The following ARHGAP24 variants were observed in gnomAD, a reference collection of about 807,000 sequenced individuals.
The protein encoded by ARHGAP24 is rho GTPase-activating protein 24.
ARHGAP24 carries 50 observed loss-of-function variants against 76.4 expected under a neutral mutation model. That is an observed-to-expected ratio of 0.65 (90% confidence interval 0.52 to 0.83). The LOEUF (loss-of-function observed/expected upper bound fraction) is 0.83. Among genes scored for constraint, ARHGAP24 ranks in the 40% least tolerant of loss-of-function variants. The pLI is 0.00. For synonymous variants in ARHGAP24, 345 were observed against 323.3 expected (o/e 1.07, Z -0.72); for missense variants, 930 against 914.2 (o/e 1.02, Z -0.22).
At chr4:85,651,167 C>A (rs1259032842) in intron 2 of ARHGAP24, among the ~76,000 whole-genome samples, 3 of 149,196 alleles carry the variant, frequency 2.0e-5, no homozygotes, top group African/African-American at 7.8e-5. Context: ...GAGAGGAGAA[C>A]AGAGGCAGGC....
chr4:85,845,894 T>C (rs1268180417), intron 3 of ARHGAP24, among the ~76,000 whole-genome samples: 1 of 152,050 alleles, frequency 6.6e-6, no homozygotes, highest in Non-Finnish European at 1.5e-5. Flanking sequence ...AATATAATTT[T>C]TTTTCTTTTT....
intron 3 of ARHGAP24, among the ~76,000 whole-genome samples, chr4:85,741,097 G>C (rs1278882654): frequency 6.6e-6 from 1 of 152,166 alleles, no homozygotes; most frequent in African/African-American, 2.4e-5. Flanking sequence ...AGCAAATGCA[G>C]GGTCCCTTTC....
At chr4:85,877,893 T>A (rs1733030054) in intron 3 of ARHGAP24, among the ~76,000 whole-genome samples, 1 of 152,172 alleles carries the variant, frequency 6.6e-6, no homozygotes, top group Non-Finnish European at 1.5e-5. Context: ...AATTGATAAT[T>A]ACATTATTAA....
chr4:85,798,853 A>G (rs1195140848), intron 3 of ARHGAP24, among the ~76,000 whole-genome samples: 1 of 152,228 alleles, frequency 6.6e-6, no homozygotes, highest in Admixed American at 6.5e-5. Flanking sequence ...ACAAAAAAGT[A>G]TTAATAATTA....
At chr4:85,879,532 CAT>C (rs1733118716) in intron 3 of ARHGAP24, among the ~76,000 whole-genome samples, 3 of 151,726 alleles carry the variant, frequency 2.0e-5, no homozygotes, top group Non-Finnish European at 4.4e-5. Flanking sequence ...TTTAAAATGA[CAT>C]AAAACAGTAT....
chr4:85,858,145 T>C (rs1439511122), intron 3 of ARHGAP24, among the ~76,000 whole-genome samples: 1 of 152,208 alleles, frequency 6.6e-6, no homozygotes, highest in Non-Finnish European at 1.5e-5. Flanking sequence ...TGTTCATTCA[T>C]GTAACATTCA....
chr4:85,781,872 A>T (rs1236650365), intron 3 of ARHGAP24, among the ~76,000 whole-genome samples: 2 of 151,704 alleles, frequency 1.3e-5, no homozygotes, highest in Non-Finnish European at 2.9e-5. Flanking sequence ...CATCTCTACT[A>T]CAAAAAATAA....
At chr4:85,913,179 C>T (rs1735182184) in intron 3 of ARHGAP24, among the ~76,000 whole-genome samples, 1 of 151,962 alleles carries the variant, frequency 6.6e-6, no homozygotes, top group African/African-American at 2.4e-5. Flanking sequence ...CATTAAAATG[C>T]CTGAAAGATT....
chr4:85,585,203 C>T (rs1727804518), intron 2 of ARHGAP24, among the ~76,000 whole-genome samples: 1 of 152,186 alleles, frequency 6.6e-6, no homozygotes, highest in East Asian at 1.9e-4. Context: ...TTTATCAACT[C>T]ATACAATGAA....
At chr4:85,985,185 A>G (rs140345497) in intron 8 of ARHGAP24, among the ~76,000 whole-genome samples, 2,269 of 152,306 alleles carry the variant, frequency 0.015, 63 homozygotes, top group African/African-American at 0.051. Context: ...ATGCGTATGT[A>G]TGTTCATTGC....
chr4:85,952,207 A>C (rs952263992), intron 5 of ARHGAP24, among the ~76,000 whole-genome samples: 3 of 152,212 alleles, frequency 2.0e-5, no homozygotes, highest in African/African-American at 7.2e-5. Context: ...CAGCTTTTAT[A>C]TCTTACTTTT....
intron 3 of ARHGAP24, among the ~76,000 whole-genome samples, chr4:85,730,893 A>G (rs970048737): frequency 1.1e-4 from 17 of 151,884 alleles, no homozygotes; most frequent in African/African-American, 3.9e-4. Context: ...AAATGTTCCC[A>G]TAATATTAAT....
intron 3 of ARHGAP24, among the ~76,000 whole-genome samples, chr4:85,850,085 T>C (rs1265989384): frequency 6.6e-6 from 1 of 152,312 alleles, no homozygotes; most frequent in East Asian, 1.9e-4. Flanking sequence ...TCCTGGACTT[T>C]TTTTGGTTGG....
chr4:85,930,117 C>T (rs1736242852), intron 4 of ARHGAP24, among the ~76,000 whole-genome samples: 1 of 152,184 alleles, frequency 6.6e-6, no homozygotes, highest in African/African-American at 2.4e-5. Context: ...GAGGAGCAAC[C>T]GCAGCCCTGC....
chr4:85,910,110 C>G (rs959634236), intron 3 of ARHGAP24, among the ~76,000 whole-genome samples: 2 of 152,216 alleles, frequency 1.3e-5, no homozygotes, highest in Admixed American at 1.3e-4. Context: ...GGCACTGGCT[C>G]TCAGCCAGGC....
At chr4:85,813,368 T>G (rs1461486558) in intron 3 of ARHGAP24, among the ~76,000 whole-genome samples, 1 of 152,110 alleles carries the variant, frequency 6.6e-6, no homozygotes, top group Non-Finnish European at 1.5e-5. Context: ...ACTACCTGAG[T>G]AGGAATCATG....
At chr4:85,702,924 C>G (rs1724151422) in intron 2 of ARHGAP24, among the ~76,000 whole-genome samples, 1 of 151,500 alleles carries the variant, frequency 6.6e-6, no homozygotes, top group Non-Finnish European at 1.5e-5. Context: ...AGGGAAGGCT[C>G]TTTGTGGCCA....
intron 1 of ARHGAP24, among the ~76,000 whole-genome samples, chr4:85,529,919 C>A (rs1725187622): frequency 6.6e-6 from 1 of 151,836 alleles, no homozygotes; most frequent in Non-Finnish European, 1.5e-5. Context: ...AAACTCTTTT[C>A]ATTTTATTTC....
intron 2 of ARHGAP24, among the ~76,000 whole-genome samples, chr4:85,712,871 A>G (rs1724578914): frequency 6.6e-6 from 1 of 152,206 alleles, no homozygotes; most frequent in African/African-American, 2.4e-5. Flanking sequence ...ATTATTCAGT[A>G]AGTGATACTA....
Sources: gnomAD v4.1 joint callset for allele counts (sites outside exome capture counted in the v4.1 genomes callset) on GRCh38, gnomAD v4.1.1 for gene constraint, MANE v1.5 for transcripts, NCBI Gene and HGNC (gene_info 2026-07-23, HGNC 2026-07-21) for gene names.